Variants in TRPM3 observed in about 807,000 individuals in gnomAD.
TRPM3 encodes transient receptor potential cation channel subfamily M member 3, also known as long transient receptor potential channel 3.
Under a neutral mutation model 181.2 loss-of-function variants are expected in TRPM3, and 77 were observed. The ratio of observed to expected loss-of-function variants is 0.42; its 90% CI spans 0.35 to 0.51. The LOEUF is 0.51. Ranked by LOEUF, TRPM3 falls within the 20% of genes least tolerant of loss-of-function variation. TRPM3 has a pLI of 0.01. For synonymous variants in TRPM3, 745 were observed against 796.4 expected, an observed-to-expected ratio of 0.94 and a Z score of 1.09; for missense variants, 1,759 against 2,196.7, an observed-to-expected ratio of 0.80 and a Z score of 3.98.
intron 25 of TRPM3, among the ~76,000 whole-genome samples, chr9:70,538,454 G>A (rs547784331): frequency 1.1e-4 from 16 of 151,976 alleles, no homozygotes; most frequent in African/African-American, 3.6e-4. Context: ...TTTGAGACAA[G>A]GTCTCACTCT....
chr9:71,106,189 CAT>C (rs886931696), intron 1 of TRPM3, among the ~76,000 whole-genome samples: 57 of 152,266 alleles, frequency 3.7e-4, no homozygotes, highest in Admixed American at 1.5e-3. Flanking sequence ...TCTGAAAACA[CAT>C]GTTTTCCTTT....
intron 1 of TRPM3, among the ~76,000 whole-genome samples, chr9:71,321,670 G>T (rs1365486318): frequency 6.6e-6 from 1 of 152,024 alleles, no homozygotes; most frequent in African/African-American, 2.4e-5. Context: ...TGAACTTCCT[G>T]GTAAGTATAA....
chr9:71,181,042 G>C (rs974696451), intron 1 of TRPM3, among the ~76,000 whole-genome samples: 1 of 152,078 alleles, frequency 6.6e-6, no homozygotes, highest in African/African-American at 2.4e-5. Context: ...TGACAAGACT[G>C]CTCTAATTTG....
chr9:70,941,565 A>G (rs1054052974), intron 1 of TRPM3, among the ~76,000 whole-genome samples: 1 of 152,234 alleles, frequency 6.6e-6, no homozygotes, highest in Non-Finnish European at 1.5e-5. Context: ...ATATACATAT[A>G]CATCTATCCT....
intron 1 of TRPM3, among the ~76,000 whole-genome samples, chr9:71,015,852 C>A (rs982348575): frequency 6.6e-6 from 1 of 151,854 alleles, no homozygotes; most frequent in African/African-American, 2.4e-5. Flanking sequence ...TTGGGCAGTT[C>A]CCTTGACAGG....
intron 1 of TRPM3, among the ~76,000 whole-genome samples, chr9:70,902,406 T>C (rs920386483): frequency 6.6e-6 from 1 of 152,216 alleles, no homozygotes; most frequent in African/African-American, 2.4e-5. Context: ...TGCTGATGAC[T>C]GAATGGGAAC....
chr9:70,564,689 T>C (rs2050089822), intron 22 of TRPM3, among the ~76,000 whole-genome samples: 1 of 152,156 alleles, frequency 6.6e-6, no homozygotes, highest in Admixed American at 6.5e-5. Flanking sequence ...ACTGCATGTC[T>C]ATGTGTAAAT....
intron 1 of TRPM3, among the ~76,000 whole-genome samples, chr9:70,987,646 C>A (rs907043233): frequency 6.6e-6 from 1 of 152,036 alleles, no homozygotes; most frequent in African/African-American, 2.4e-5. Flanking sequence ...TCATTTTTAT[C>A]ATTCTGAGAA....
chr9:70,996,589 G>A lies in TRPM3; in HGVS notation c.177+124589C>T, dbSNP rs537010913. ...TTATGTGCAAGGCCAACAGTGAATC[G>A]TTGGCTAAATCGCAATGTTAAAGTG... On this transcript the variant is annotated intron_variant, in intron 1 of 25. Transcript: ENST00000677713. 1.1e-4 allele frequency among the ~76,000 whole-genome samples: 16 copies of A among 152,328 alleles called. No homozygotes were observed. The South Asian group carries it at 2.5e-3, about 24-fold the overall frequency.
intron 1 of TRPM3, among the ~76,000 whole-genome samples, chr9:71,381,997 TG>T (rs2092812082): frequency 6.6e-6 from 1 of 152,162 alleles, no homozygotes; most frequent in Non-Finnish European, 1.5e-5. Flanking sequence ...TACTGTATAC[TG>T]TGGTATATGC....
At chr9:70,943,695 C>A (rs544260378) in intron 1 of TRPM3, among the ~76,000 whole-genome samples, 5 of 152,152 alleles carry the variant, frequency 3.3e-5, no homozygotes, top group Non-Finnish European at 5.9e-5. Flanking sequence ...TTTATACAGA[C>A]CTCACAGTCT....
At chr9:70,544,083 G>T (rs1052846100) in intron 25 of TRPM3, among the ~76,000 whole-genome samples, 4 of 152,062 alleles carry the variant, frequency 2.6e-5, no homozygotes, top group African/African-American at 9.7e-5. Context: ...GCTTTCAATG[G>T]GTTAAAGGAA....
In TRPM3 at chr9:71,236,579, C is replaced by A. The variant is rs531063149; in HGVS notation, c.183+210074G>T. On this transcript the variant is annotated intron_variant, in intron 1 of 24. Transcript: ENST00000357533. Reference sequence around the variant, plus strand: ...GCTGTTCCCCAAACCTCCAGAGAATCCTCTGGGAATGAATGATCACACTTC... The same window carrying A: ...GCTGTTCCCCAAACCTCCAGAGAATACTCTGGGAATGAATGATCACACTTC... 2.6e-5 allele frequency among the ~76,000 whole-genome samples: 4 copies of A among 152,250 alleles called. No individual in the cohort carries two copies. In the South Asian group the frequency reaches 8.3e-4, roughly 32 times the overall value.
intron 25 of TRPM3, among the ~76,000 whole-genome samples, chr9:70,546,201 A>G (rs1284428042): frequency 6.6e-6 from 1 of 152,204 alleles, no homozygotes; most frequent in Non-Finnish European, 1.5e-5. Context: ...GTTTGGACTT[A>G]AAGCTGTCCA....
At chr9:70,639,535 G>A (rs910714702) in intron 10 of TRPM3, among the ~76,000 whole-genome samples, 1 of 152,150 alleles carries the variant, frequency 6.6e-6, no homozygotes, top group African/African-American at 2.4e-5. Context: ...CCAGCGAAGT[G>A]TCAAAGGGGG....
intron 1 of TRPM3, among the ~76,000 whole-genome samples, chr9:71,385,280 T>C (rs557498285): frequency 6.6e-6 from 1 of 152,182 alleles, no homozygotes; most frequent in African/African-American, 2.4e-5. Flanking sequence ...AAATATTTCT[T>C]TCTTTAATAA....
chr9:71,066,932 G>A (rs996444833), intron 1 of TRPM3, among the ~76,000 whole-genome samples: 2 of 152,008 alleles, frequency 1.3e-5, no homozygotes, highest in African/African-American at 2.4e-5. Flanking sequence ...ACCCATATCA[G>A]TTATCATTCT....
chr9:71,317,704 C>T (rs565742045), intron 1 of TRPM3, among the ~76,000 whole-genome samples: 1 of 151,860 alleles, frequency 6.6e-6, no homozygotes, highest in Admixed American at 6.6e-5. Context: ...CGCGCACACG[C>T]GCGAGAGAGA....
chr9:71,010,023 T>G (rs2097719191), intron 1 of TRPM3, among the ~76,000 whole-genome samples: 1 of 152,086 alleles, frequency 6.6e-6, no homozygotes, highest in Non-Finnish European at 1.5e-5. Context: ...AAATTGGATA[T>G]CCACATGCAG....
Sources: allele counts gnomAD v4.1 joint callset (sites outside exome capture counted in the v4.1 genomes callset), GRCh38; gene constraint gnomAD v4.1.1; transcripts MANE v1.5; gene names NCBI Gene and HGNC (gene_info 2026-07-23, HGNC 2026-07-21).